The following SNX8 variants were observed in gnomAD, a reference collection of about 807,000 sequenced individuals.
SNX8 encodes the protein sorting nexin-8.
Under a neutral mutation model 51.6 loss-of-function variants are expected in SNX8, and 25 were observed. The observed-to-expected ratio is 0.48, with a 90% CI of 0.35 to 0.68. The LOEUF (loss-of-function observed/expected upper bound fraction) is 0.68. Ranked by LOEUF, SNX8 falls within the 30% of genes least tolerant of loss-of-function variation. The pLI is 0.00. For synonymous variants in SNX8, 324 were observed against 277.0 expected (o/e 1.17, Z -1.68); for missense variants, 695 against 624.0 (o/e 1.11, Z -1.21).
Position 2,254,734 on chromosome 7 carries a change from C to T in SNX8, c.*322G>A. 2.6e-6 allele frequency: 1 copy of T among 383,324 alleles called. No individual in the cohort carries two copies. The highest frequency in any genetic ancestry group is 2.8e-5 in the South Asian group (1 of 36,080). 23.7% of individuals were successfully genotyped at this position (383,324 alleles called of 1,614,324 possible). ...AGCACCTGGAGGCCCTGCCTCCACG[C>T]TCCCCCAGGCACAATCTCTGTGAGA... On this transcript the variant is annotated 3_prime_UTR_variant, in exon 11 of 11. Coordinates refer to ENST00000222990, the MANE Select transcript of SNX8 (RefSeq NM_013321.4).
At chr7:2,329,904 C>G (rs1445673549) in intron 1 of SNX8, among the ~76,000 whole-genome samples, 1 of 151,250 alleles carries the variant, frequency 6.6e-6, no homozygotes, top group Non-Finnish European at 1.5e-5. Context: ...CTCGGCTCAC[C>G]GCAACCTCCG....
At chr7:2,316,641 T>C (rs1486127239), upstream of SNX8, among the ~76,000 whole-genome samples, 17 of 148,864 alleles carry the variant, frequency 1.1e-4, no homozygotes, top group Non-Finnish European at 1.8e-4. Flanking sequence ...AACCACTCAC[T>C]CACTGCATCC....
chr7:2,349,058 G>C (rs1447987390), intron 1 of SNX8, among the ~76,000 whole-genome samples: 26 of 141,416 alleles, frequency 1.8e-4, no homozygotes, highest in African/African-American at 2.6e-5. Flanking sequence ...TTGTAAAAAA[G>C]CCTGGTGAGG....
At chr7:2,303,019 G>GC (rs1374934251) in intron 1 of SNX8, among the ~76,000 whole-genome samples, 3 of 151,186 alleles carry the variant, frequency 2.0e-5, no homozygotes, top group Non-Finnish European at 3.0e-5. Flanking sequence ...GTGGGGGTCA[G>GC]CCCCCGCCAG....
chr7:2,279,288 C>T lies in SNX8; in HGVS notation c.95-983G>A, dbSNP rs546776642. On this transcript the variant is annotated intron_variant, in intron 1 of 10. Coordinates refer to ENST00000222990, the MANE Select transcript of SNX8 (RefSeq NM_013321.4). Reference sequence around the variant, plus strand: ...GTCGAAGCCGGACTCACTCACACTACGGAGTCGAAGCCGGACTCACTCACA... The same window carrying T: ...GTCGAAGCCGGACTCACTCACACTATGGAGTCGAAGCCGGACTCACTCACA... Among the ~76,000 whole-genome samples, 7 of 145,352 alleles carry T rather than the reference C, an allele frequency of 4.8e-5. No homozygotes were observed. The Admixed American group carries it at 4.8e-4, about 10-fold the overall frequency.
At chr7:2,297,078 C>CAACA (rs1305196798) in intron 1 of SNX8, among the ~76,000 whole-genome samples, 3 of 151,920 alleles carry the variant, frequency 2.0e-5, no homozygotes, top group Non-Finnish European at 4.4e-5. Context: ...AGTCAAAGAA[C>CAACA]AACAGATGTT....
At chr7:2,269,323 G>C (rs6943304) in intron 5 of SNX8, among the ~76,000 whole-genome samples, 8 of 150,728 alleles carry the variant, frequency 5.3e-5, no homozygotes, top group South Asian at 4.2e-4. Context: ...CAGCATGCTC[G>C]TTAAGAGTCA....
chr7:2,284,478 T>C (rs1379676519), intron 1 of SNX8, among the ~76,000 whole-genome samples: 1 of 136,404 alleles, frequency 7.3e-6, no homozygotes, highest in African/African-American at 2.7e-5. Context: ...CTCAGTTCAC[T>C]GCAATCTCCG....
intron 1 of SNX8, among the ~76,000 whole-genome samples, chr7:2,329,866 TC>T (rs1376427536): frequency 6.6e-6 from 1 of 150,762 alleles, no homozygotes; most frequent in Non-Finnish European, 1.5e-5. Flanking sequence ...CTCGCTCTGT[TC>T]CCCAGGCTGG....
rs140975578 is a variant in SNX8 at position 2,297,959 on chromosome 7, A to G, written c.94+16369T>C. Among the ~76,000 whole-genome samples the G allele has an allele frequency of 2.3e-3, 351 of 152,098 alleles. 3 individuals are homozygous for G. The highest frequency in any genetic ancestry group is 0.018 in the South Asian group (88 of 4,828). ...GGACATTATTTTGGTGACAAGTACA[A>G]TAAAAACCCAGCCTCGACCAACGAA... is the stretch of plus-strand genomic sequence containing the variant. On this transcript the variant is annotated intron_variant, in intron 1 of 10. Transcript: ENST00000222990.
intron 1 of SNX8, among the ~76,000 whole-genome samples, chr7:2,294,756 G>C (rs1285817829): frequency 1.3e-5 from 2 of 152,174 alleles, no homozygotes; most frequent in African/African-American, 4.8e-5. Context: ...ATGAGGCCAA[G>C]GCCAGCAGCG....
rs1465546568 is a variant in SNX8, at chr7:2,330,221, T to A, written c.-66+24001A>T. 2.9e-5 allele frequency among the ~76,000 whole-genome samples: 4 copies of A among 139,876 alleles called. No homozygotes were observed. In the East Asian group the frequency reaches 9.0e-4, roughly 31 times the overall value. 91.8% of individuals were successfully genotyped at this position (139,876 alleles called of 152,430 possible). On this transcript the variant is annotated intron_variant, in intron 1 of 5. Coordinates refer to the SNX8 transcript ENST00000435336. Reference sequence around the variant, plus strand: ...GGCGGCATCTCGGCTCACCACAACCTCCACTTCCCAGGCTCAAGCGATTCT... The same window carrying A: ...GGCGGCATCTCGGCTCACCACAACCACCACTTCCCAGGCTCAAGCGATTCT...
chr7:2,258,631 G>C (rs986079293), intron 7 of SNX8, among the ~76,000 whole-genome samples: 1 of 152,204 alleles, frequency 6.6e-6, no homozygotes, highest in Admixed American at 6.5e-5. Context: ...GCCTAGGAAG[G>C]GGGCACAGGG....
intron 1 of SNX8, among the ~76,000 whole-genome samples, chr7:2,290,116 C>T (rs1796119297): frequency 6.6e-6 from 1 of 152,122 alleles, no homozygotes; most frequent in Non-Finnish European, 1.5e-5. Context: ...TCGCTTGAAC[C>T]TGGGAGGTGG....
chr7:2,346,582 C>G (rs1429481951), intron 1 of SNX8, among the ~76,000 whole-genome samples: 1 of 151,232 alleles, frequency 6.6e-6, no homozygotes, highest in Non-Finnish European at 1.5e-5. Flanking sequence ...CCCGTCTCTA[C>G]TAAAATACAA....
intron 1 of SNX8, among the ~76,000 whole-genome samples, chr7:2,347,615 T>C (rs113026436): frequency 0.38 from 30,181 of 78,794 alleles, 3,286 homozygotes; most frequent in East Asian, 0.49. Context: ...ACTGGATTCT[T>C]TTTTTTTTTT....
chr7:2,302,428 C>T (rs866218986), intron 1 of SNX8, among the ~76,000 whole-genome samples: 4 of 152,252 alleles, frequency 2.6e-5, no homozygotes, highest in Non-Finnish European at 4.4e-5. Context: ...GGCTGGAGTG[C>T]AGTGGTGTGA....
At chr7:2,314,603 C>G, upstream of SNX8, 1 of 446,154 alleles carries the variant, frequency 2.2e-6, no homozygotes, top group African/African-American at 2.1e-5. Flanking sequence ...CTACAACCCG[C>G]CTAGCCACGC....
intron 1 of SNX8, among the ~76,000 whole-genome samples, chr7:2,294,264 A>AAAAT (rs1051545589): frequency 3.3e-5 from 5 of 151,948 alleles, no homozygotes; most frequent in Non-Finnish European, 7.4e-5. Flanking sequence ...ACTCCATCTC[A>AAAAT]AAATAAATAA....
Sources: gnomAD v4.1 joint callset for allele counts (sites outside exome capture counted in the v4.1 genomes callset) on GRCh38, gnomAD v4.1.1 for gene constraint, MANE v1.5 for transcripts, NCBI Gene and HGNC (gene_info 2026-07-23, HGNC 2026-07-21) for gene names.